The following PTPRF variants were observed in gnomAD, a reference collection of about 807,000 sequenced individuals.
PTPRF encodes the protein protein tyrosine phosphatase receptor type F.
In PTPRF, 59 loss-of-function variants were observed where a neutral mutation model predicts 201.8. That is an observed-to-expected ratio of 0.29 (90% confidence interval 0.24 to 0.36). The LOEUF is 0.36. Ranked by LOEUF, PTPRF falls within the 10% of genes least tolerant of loss-of-function variation. PTPRF has a pLI of 1.00. For missense variants in PTPRF, 2,132 were observed against 2,690.5 expected, an observed-to-expected ratio of 0.79 and a Z score of 4.59; for synonymous variants, 1,088 against 1,089.7, an observed-to-expected ratio of 1.00 and a Z score of 0.03.
Position 43,605,309 on chromosome 1 carries a change from G to A in PTPRF, c.3255G>A (p.Gly1085=). 6.2e-7 allele frequency: 1 copy of A among 1,613,482 alleles called. No homozygotes were observed. Among genetic ancestry groups the A allele is most frequent in the Non-Finnish European group, 8.5e-7 (1 of 1,179,730 alleles). ...FVLMNRGSSA[G]GLQHLVSIRT... ...TGATGAACCGTGGCAGCAGCGCAGG[G>A]GGCCTGCAGCACCTGGTGTCCATCC... is the stretch of plus-strand genomic sequence containing the variant. The change falls in exon 18 of 34, where the codon GGG becomes GGA. Residue 1085 remains glycine, a synonymous_variant. Coordinates refer to ENST00000359947, the MANE Select transcript of PTPRF (RefSeq NM_002840.5).
upstream of PTPRF, among the ~76,000 whole-genome samples, chr1:43,525,880 G>A (rs559620532): frequency 1.6e-4 from 25 of 151,518 alleles, no homozygotes; most frequent in African/African-American, 3.9e-4. Context: ...GTTGGGGAGC[G>A]AGCAGGAGAT....
intron 1 of PTPRF, among the ~76,000 whole-genome samples, chr1:43,533,449 T>C (rs11590627): frequency 0.36 from 54,236 of 151,936 alleles, 9,952 homozygotes; most frequent in East Asian, 0.49. Flanking sequence ...TCCATCAGCC[T>C]GAACTATGGG....
At chr1:43,558,162 C>G (rs879698917) in intron 5 of PTPRF, among the ~76,000 whole-genome samples, 2 of 152,038 alleles carry the variant, frequency 1.3e-5, no homozygotes. Context: ...TAGTTGGGGT[C>G]GGGGAAGTAA....
chr1:43,553,001 C>T lies in PTPRF; in HGVS notation c.92-491C>T, dbSNP rs560489625. On this transcript the variant is annotated intron_variant, in intron 3 of 33. Coordinates refer to ENST00000359947, the MANE Select transcript of PTPRF (RefSeq NM_002840.5). This position sits in a 1 kb window ranked among gnomAD's most constrained non-coding sequence, Gnocchi z 4.1. Reference sequence around the variant, plus strand: ...GGGGCTGGGAGAGAGGGAGGAGTCTCGGTTCCTGGCCGGAGCCCCGGGGTG... The same window carrying T: ...GGGGCTGGGAGAGAGGGAGGAGTCTTGGTTCCTGGCCGGAGCCCCGGGGTG... Among the ~76,000 whole-genome samples the T allele has an allele frequency of 3.9e-5, 6 of 152,242 alleles. No individual in the cohort carries two copies. The highest frequency in any genetic ancestry group is 1.2e-4 in the African/African-American group (5 of 41,520).
intron 7 of PTPRF, among the ~76,000 whole-genome samples, chr1:43,581,184 C>T (rs1474884077): frequency 6.6e-6 from 1 of 152,224 alleles, no homozygotes; most frequent in Non-Finnish European, 1.5e-5. Flanking sequence ...CAGGCAGGGC[C>T]CTGACTGGCT....
At chr1:43,568,842 G>GT (rs1646367448) in intron 5 of PTPRF, among the ~76,000 whole-genome samples, 1 of 152,206 alleles carries the variant, frequency 6.6e-6, no homozygotes, top group African/African-American at 2.4e-5. Flanking sequence ...CCAGGAGGGA[G>GT]TTTTTTCTCC....
At chr1:43,577,901 CTTTCACAAGCAGTTT>C (rs1339584887) in intron 6 of PTPRF, among the ~76,000 whole-genome samples, 4 of 152,172 alleles carry the variant, frequency 2.6e-5, no homozygotes, top group African/African-American at 7.2e-5. Context: ...GCCCAGTGTG[CTTTCACAAGCAGTTT>C]TTTCAAGTGT....
intron 33 of PTPRF, among the ~76,000 whole-genome samples, chr1:43,621,664 C>T (rs1331840530): frequency 1.3e-5 from 2 of 152,186 alleles, no homozygotes; most frequent in African/African-American, 2.4e-5. Context: ...CAGAGCAATC[C>T]TTATGGGGTG....
At chr1:43,610,694 A>G (rs1160498841) in intron 22 of PTPRF, among the ~76,000 whole-genome samples, 1 of 152,196 alleles carries the variant, frequency 6.6e-6, no homozygotes. Context: ...AGCTAATGAA[A>G]TCCCATCTCT....
chr1:43,595,510 G>A (rs945593066), intron 11 of PTPRF, among the ~76,000 whole-genome samples: 22 of 152,302 alleles, frequency 1.4e-4, no homozygotes, highest in African/African-American at 4.8e-4. Flanking sequence ...GTGAGCCACC[G>A]CGCCCGGCCT....
intron 7 of PTPRF, chr1:43,579,726 C>T (rs1647184821): frequency 6.3e-6 from 1 of 159,108 alleles, no homozygotes. Context: ...AGAGCCCCTT[C>T]TACCCTCATA....
At chr1:43,528,915 A>T (rs1643232234), upstream of PTPRF, among the ~76,000 whole-genome samples, 1 of 152,176 alleles carries the variant, frequency 6.6e-6, no homozygotes, top group Non-Finnish European at 1.5e-5. Flanking sequence ...AGCAGGAGAA[A>T]AGAGGAGGCC....
At chr1:43,617,358 A>C in intron 23 of PTPRF, 87 bp from the exon 24 acceptor site, 2 of 1,561,480 alleles carry the variant, frequency 1.3e-6, no homozygotes, top group Admixed American at 1.7e-5. Context: ...GGATGTGAGC[A>C]TCACCGGGAA....
chr1:43,577,390 G>A (rs912010680), intron 6 of PTPRF, among the ~76,000 whole-genome samples: 8 of 152,152 alleles, frequency 5.3e-5, no homozygotes, highest in African/African-American at 1.9e-4. Flanking sequence ...CTGGCATCTG[G>A]TGGGGAGGGC....
chr1:43,573,126 A>G (rs1469099058), intron 6 of PTPRF, among the ~76,000 whole-genome samples: 2 of 152,074 alleles, frequency 1.3e-5, no homozygotes, highest in Non-Finnish European at 2.9e-5. Context: ...CTCTGTAGTG[A>G]TGTGACATGC....
At chr1:43,594,607 G>A (rs181463788) in intron 11 of PTPRF, among the ~76,000 whole-genome samples, 323 of 152,202 alleles carry the variant, frequency 2.1e-3, no homozygotes, top group South Asian at 4.2e-3. Context: ...AGGTGATGGC[G>A]GTGGATCTGA....
At chr1:43,581,808 T>C (rs1647728292) in intron 7 of PTPRF, among the ~76,000 whole-genome samples, 2 of 152,228 alleles carry the variant, frequency 1.3e-5, no homozygotes, top group Non-Finnish European at 2.9e-5. Flanking sequence ...AGCAGGCTCC[T>C]GAGCCTCAGA....
rs376955084 is a variant in PTPRF at position 43,597,878 on chromosome 1, G to A, written c.1944G>A (p.Ala648=). 595 of 1,608,092 alleles carry A rather than the reference G, an allele frequency of 3.7e-4. No homozygotes were observed. Among genetic ancestry groups the A allele is most frequent in the Non-Finnish European group, 4.6e-4 (540 of 1,177,802 alleles). Residue 648 remains alanine, a synonymous_variant, in exon 12 of 34, where the codon GCG becomes GCA. Transcript: ENST00000359947. ...VITQYSVAYE[A]VDGEDRGRHV... ...CCCAGTACTCCGTGGCCTACGAGGC[G>A]GTGGACGGCGAGGACCGCGGGCGGC...
upstream of PTPRF, among the ~76,000 whole-genome samples, chr1:43,528,263 A>C (rs2153943183): frequency 6.6e-6 from 1 of 152,258 alleles, no homozygotes; most frequent in African/African-American, 2.4e-5. Context: ...AGCAATCTCC[A>C]CTGCAACCTC....
Sources: gnomAD v4.1 joint callset for allele counts (sites outside exome capture counted in the v4.1 genomes callset) on GRCh38, gnomAD v4.1.1 for gene constraint, Gnocchi (gnomAD v3.1) non-coding constraint, MANE v1.5 for transcripts, NCBI Gene and HGNC (gene_info 2026-07-23, HGNC 2026-07-21) for gene names.